The following ZNF185 variants were observed in gnomAD, a reference collection of about 807,000 sequenced individuals.
The protein encoded by ZNF185 is zinc finger protein 185.
ZNF185 carries 56 observed loss-of-function variants against 58.6 expected under a neutral mutation model. The ratio of observed to expected loss-of-function variants is 0.95; its 90% confidence interval spans 0.77 to 1.19. ZNF185 has a LOEUF of 1.19. Among genes scored for constraint, ZNF185 ranks in the 50% most tolerant of loss-of-function variants. The probability of loss-of-function intolerance (pLI) is 0.00; values close to 1 mark genes in which losing one functional copy is unlikely to be tolerated. For synonymous variants in ZNF185, 230 were observed against 215.9 expected, an observed-to-expected ratio of 1.07 and a Z score of -0.57; for missense variants, 627 against 573.5, an observed-to-expected ratio of 1.09 and a Z score of -0.95.
chrX:152,928,132 C>CCCG (rs1556874138), intron 11 of ZNF185, among the ~76,000 whole-genome samples: 2 of 112,030 alleles, frequency 1.8e-5, no homozygotes, highest in Non-Finnish European at 3.8e-5. Flanking sequence ...TGCGACATCC[C>CCCG]CTCCCACTGG....
chrX:152,939,061 G>C (rs1400831222), intron 15 of ZNF185, among the ~76,000 whole-genome samples: 7 of 111,898 alleles, frequency 6.3e-5, no homozygotes, highest in African/African-American at 2.3e-4. Flanking sequence ...CACAGATGGA[G>C]CAGGGCCTTG....
chrX:152,959,423 AGT>A (rs1432772525), intron 16 of ZNF185, among the ~76,000 whole-genome samples: 1 of 112,560 alleles, frequency 8.9e-6, no homozygotes, highest in Non-Finnish European at 1.9e-5. Context: ...CAAGAATACC[AGT>A]GTGTTTCCAG....
At chrX:152,919,699 G>C (rs1029077053) in intron 7 of ZNF185, among the ~76,000 whole-genome samples, 1 of 112,590 alleles carries the variant, frequency 8.9e-6, no homozygotes, top group African/African-American at 3.2e-5. Context: ...AGCACCTTTT[G>C]TATGCCTTTG....
rs2046575151 is a variant in ZNF185, at chrX:152,938,149, G to C, written c.1197G>C (p.Lys399Asn). ...GCACAGCAGCCCAGGAGGATGCAAA[G>C]GCAGACCCAAAGGGGTAAGGCATGA... The change falls in exon 15 of 23, where the codon AAG becomes AAC. Residue 399 changes from lysine (K) to asparagine (N), a missense_variant. Coordinates refer to ENST00000449285, the Ensembl canonical transcript of ZNF185. 1.7e-6 allele frequency: 2 copies of C among 1,183,708 alleles called. No individual in the cohort carries two copies. The highest frequency in any genetic ancestry group is 2.3e-4 in the Middle Eastern group (1 of 4,308).
chrX:152,917,060 C>A, intron 3 of ZNF185, 71 bp from the exon 5 acceptor site: 2 of 1,182,062 alleles, frequency 1.7e-6, no homozygotes, highest in South Asian at 3.6e-5. Context: ...TCGTTAAGGG[C>A]AGGATAAAGT....
intron 15 of ZNF185, among the ~76,000 whole-genome samples, chrX:152,941,180 C>T (rs1556889002): frequency 1.8e-5 from 2 of 112,008 alleles, no homozygotes; most frequent in Non-Finnish European, 3.8e-5. Flanking sequence ...CCAGTTTGTT[C>T]TCCTTCCAGG....
chrX:152,929,982 T>G (rs1941652191), intron 12 of ZNF185, among the ~76,000 whole-genome samples: 1 of 112,596 alleles, frequency 8.9e-6, no homozygotes, highest in Non-Finnish European at 1.9e-5. Flanking sequence ...CTCCTGAGTT[T>G]CTTCCCCAGG....
At chrX:152,923,374 G>A in intron 11 of ZNF185, among the ~76,000 whole-genome samples, 1 of 112,483 alleles carries the variant, frequency 8.9e-6, no homozygotes, top group Middle Eastern at 4.7e-3. Context: ...GGCAGAGGGA[G>A]CCAGGAGCAT....
the ZNF185 span, among the ~76,000 whole-genome samples, chrX:152,907,364 A>G: frequency 2.7e-5 from 3 of 112,824 alleles, no homozygotes; most frequent in Non-Finnish European, 5.6e-5. Flanking sequence ...GCTCCTATCT[A>G]TCCAATCAGG....
At chrX:152,970,452 T>C (rs1603337982) in exon 22 of ZNF185, 1 of 1,210,200 alleles carries the variant, frequency 8.3e-7, no homozygotes, top group East Asian at 3.0e-5. Flanking sequence ...GTGTGGGATT[T>C]GCAGTAAACC....
At chrX:152,900,708 G>A in the ZNF185 span, among the ~76,000 whole-genome samples, 1 of 112,663 alleles carries the variant, frequency 8.9e-6, no homozygotes, top group Non-Finnish European at 1.9e-5. Context: ...TCCAAAGGCC[G>A]GGAAGAGGAG....
chrX:152,916,926 G>A (rs373340633), intron 3 of ZNF185, among the ~76,000 whole-genome samples: 9 of 111,303 alleles, frequency 8.1e-5, no homozygotes, highest in African/African-American at 2.9e-4. Context: ...CACTTTTCCT[G>A]GGGGAGCATG....
intron 14 of ZNF185, among the ~76,000 whole-genome samples, chrX:152,937,669 C>G (rs1556883389): frequency 8.9e-6 from 1 of 112,439 alleles, no homozygotes; most frequent in African/African-American, 3.2e-5. Flanking sequence ...CAAGTATGAA[C>G]TTACATAAAC....
intron 11 of ZNF185, among the ~76,000 whole-genome samples, chrX:152,927,663 T>A (rs1941125401): frequency 8.9e-6 from 1 of 112,004 alleles, no homozygotes; most frequent in Non-Finnish European, 1.9e-5. Context: ...TATGCCTCCA[T>A]GAAGCTTGTC....
chrX:152,913,078 C>T (rs978495121), upstream of ZNF185, among the ~76,000 whole-genome samples: 1 of 112,669 alleles, frequency 8.9e-6, no homozygotes, highest in Non-Finnish European at 1.9e-5. Context: ...GTCCCCCTGC[C>T]CTGCCCATTT....
chrX:152,904,642 G>T, the ZNF185 span, among the ~76,000 whole-genome samples: 2 of 112,551 alleles, frequency 1.8e-5, no homozygotes, highest in African/African-American at 6.5e-5. Context: ...AGAAAGGACG[G>T]GGTGAGGGCA....
chrX:152,939,022 G>A (rs2046804680), intron 15 of ZNF185, among the ~76,000 whole-genome samples: 2 of 111,797 alleles, frequency 1.8e-5, no homozygotes, highest in Admixed American at 9.4e-5. Flanking sequence ...AAAGGACAGA[G>A]TGGCTGGAGC....
chrX:152,900,847 T>G, the ZNF185 span, among the ~76,000 whole-genome samples: 2 of 112,408 alleles, frequency 1.8e-5, no homozygotes, highest in African/African-American at 6.5e-5. Flanking sequence ...CACCATCCAG[T>G]TGTGCAAAGT....
intron 16 of ZNF185, among the ~76,000 whole-genome samples, chrX:152,953,930 G>T (rs1213025555): frequency 4.5e-5 from 5 of 110,607 alleles, no homozygotes. Context: ...TAATAGAGAT[G>T]GGGTTTCGCC....
Sources: allele counts gnomAD v4.1 joint callset (sites outside exome capture counted in the v4.1 genomes callset), GRCh38; gene constraint gnomAD v4.1.1; transcripts MANE v1.5; gene names NCBI Gene and HGNC (gene_info 2026-07-23, HGNC 2026-07-21).